MRE11: variants seen among roughly 807,000 people sequenced by gnomAD.
The protein encoded by MRE11 is double-strand break repair protein MRE11.
Under a neutral mutation model 91.7 loss-of-function variants are expected in MRE11, and 62 were observed. That is an observed-to-expected ratio of 0.68 (90% CI 0.55 to 0.84). The LOEUF (loss-of-function observed/expected upper bound fraction) is 0.84, where lower values mean the gene tolerates loss of function less well. Among genes scored for constraint, MRE11 ranks in the 40% least tolerant of loss-of-function variants. The pLI is 0.00. For synonymous variants in MRE11, 273 were observed against 271.4 expected, an observed-to-expected ratio of 1.01 and a Z score of -0.06; for missense variants, 796 against 852.9, an observed-to-expected ratio of 0.93 and a Z score of 0.83.
rs13447755 is a variant in MRE11 at position 94,418,058 on chromosome 11, T to C, written c.*2067A>G. ...CAAATGCAGCTGCTTTCAAATCATC[T>C]GAAAGACTTCTACATTCCTATACCA... is the stretch of plus-strand genomic sequence containing the variant. On this transcript the variant is annotated 3_prime_UTR_variant, in exon 20 of 20. Coordinates refer to ENST00000323929, the MANE Select transcript of MRE11 (RefSeq NM_005591.4). The C allele has an allele frequency of 4.1e-3, 946 of 233,138 alleles. 15 individuals are homozygous for C. The highest frequency in any genetic ancestry group is 0.019 in the African/African-American group (880 of 45,460). The allele number at this position is 233,138 out of a possible 1,614,324, so 14.4% of individuals were successfully genotyped here.
At chr11:94,431,665 C>T (rs948304277) in intron 18 of MRE11, among the ~76,000 whole-genome samples, 26 of 152,186 alleles carry the variant, frequency 1.7e-4, no homozygotes, top group African/African-American at 6.0e-4. Context: ...AGCCACTGTG[C>T]TTCACACTTC....
intron 14 of MRE11, among the ~76,000 whole-genome samples, chr11:94,449,842 T>C (rs1565214185): frequency 6.6e-6 from 1 of 152,352 alleles, no homozygotes; most frequent in East Asian, 1.9e-4. Context: ...TAAGCATATC[T>C]TAATAGAAAA....
intron 11 of MRE11, among the ~76,000 whole-genome samples, chr11:94,463,301 G>A (rs1394719699): frequency 2.0e-5 from 3 of 152,162 alleles, no homozygotes; most frequent in Non-Finnish European, 4.4e-5. Flanking sequence ...GAGAGGATGT[G>A]GAGAAATAGG....
intron 7 of MRE11, among the ~76,000 whole-genome samples, chr11:94,474,740 G>T (rs561766069): frequency 6.6e-6 from 1 of 152,124 alleles, no homozygotes; most frequent in South Asian, 2.1e-4. Flanking sequence ...ATGATGAGGG[G>T]GGCAATGAGA....
At chr11:94,461,822 T>A (rs939747325) in intron 11 of MRE11, among the ~76,000 whole-genome samples, 2 of 152,132 alleles carry the variant, frequency 1.3e-5, no homozygotes, top group African/African-American at 2.4e-5. Context: ...ACGCCTGTAA[T>A]CCCAGCACTT....
intron 16 of MRE11, among the ~76,000 whole-genome samples, chr11:94,439,153 G>A (rs1327639787): frequency 1.3e-5 from 2 of 152,032 alleles, no homozygotes; most frequent in African/African-American, 4.8e-5. Flanking sequence ...AAGAGAATTT[G>A]ACCTTTATTT....
In MRE11 at chr11:94,418,421, C is replaced by T. The variant is rs986503335; in HGVS notation, c.*1704G>A. 1 of 231,354 alleles carries T rather than the reference C, an allele frequency of 4.3e-6. No individual in the cohort carries two copies. Among genetic ancestry groups the T allele is most frequent in the Non-Finnish European group, 8.5e-6 (1 of 117,210 alleles). 14.3% of individuals were successfully genotyped at this position (231,354 alleles called of 1,614,324 possible). ...AGGAAAAAAACTTTATTCCTTTTTT[C>T]CTAGGAACTTGTCAGGATACTTTAG... On this transcript the variant is annotated 3_prime_UTR_variant, in exon 20 of 20. Transcript: ENST00000323929.
At chr11:94,439,600 G>A (rs527381763) in intron 16 of MRE11, among the ~76,000 whole-genome samples, 1 of 152,284 alleles carries the variant, frequency 6.6e-6, no homozygotes, top group South Asian at 2.1e-4. Context: ...GTACAACATT[G>A]TCAAATTTTA....
chr11:94,437,349 C>A, intron 16 of MRE11, 114 bp from the exon 17 acceptor site: 1 of 862,684 alleles, frequency 1.2e-6, no homozygotes, highest in Non-Finnish European at 1.8e-6. Context: ...CTGAATGATG[C>A]CTAATTATAA....
At chr11:94,482,902 C>A (rs1324902462) in intron 4 of MRE11, among the ~76,000 whole-genome samples, 1 of 152,098 alleles carries the variant, frequency 6.6e-6, no homozygotes, top group East Asian at 1.9e-4. Flanking sequence ...CGTGCCTCTG[C>A]ACTCCAGCTT....
At chr11:94,428,233 A>C (rs894810715) in intron 19 of MRE11, among the ~76,000 whole-genome samples, 1 of 152,184 alleles carries the variant, frequency 6.6e-6, no homozygotes, top group Non-Finnish European at 1.5e-5. Context: ...TCAGAAATAA[A>C]GCTGCACATC....
intron 14 of MRE11, 126 bp from the exon 15 acceptor site, chr11:94,447,564 C>T: frequency 1.0e-6 from 1 of 958,754 alleles, no homozygotes; most frequent in Non-Finnish European, 1.6e-6. Context: ...CACAGTGGCT[C>T]ACGCCTGTAA....
chr11:94,471,568 ACT>A lies in MRE11; in HGVS notation c.845+4_845+5del. 1 of 1,611,932 alleles carries A rather than the reference ACT, an allele frequency of 6.2e-7. No individual in the cohort carries two copies. ...TAAAAATTGGCTCAAAATATATAAC[ACT>A]CACTTCTTTACAGCTTCTCCTGGGG... On this transcript the variant is annotated splice_donor_5th_base_variant and intron_variant, in intron 8 of 19. Transcript: ENST00000323929.
intron 6 of MRE11, among the ~76,000 whole-genome samples, chr11:94,476,779 G>A (rs1232124041): frequency 6.6e-6 from 1 of 151,956 alleles, no homozygotes; most frequent in East Asian, 1.9e-4. Flanking sequence ...GGAGTGCAGT[G>A]GTGTGATCTC....
At chr11:94,467,714 A>G (rs1946601791) in intron 10 of MRE11, 99 bp downstream of exon 10, 1 of 1,031,670 alleles carries the variant, frequency 9.7e-7, no homozygotes, top group Non-Finnish European at 1.5e-6. Flanking sequence ...TCTTATTACT[A>G]TGAGCACTCT....
At chr11:94,506,223 A>C in the MRE11 span, among the ~76,000 whole-genome samples, 42 of 151,172 alleles carry the variant, frequency 2.8e-4, no homozygotes, top group East Asian at 7.8e-3. Context: ...ACTTTTAAGT[A>C]GTATGCTTAT....
chr11:94,507,703 T>C, the MRE11 span, among the ~76,000 whole-genome samples: 2 of 152,198 alleles, frequency 1.3e-5, no homozygotes, highest in African/African-American at 4.8e-5. Flanking sequence ...TAATAGCTCA[T>C]TGTAGTTTTA....
At chr11:94,437,273 T>A in intron 16 of MRE11, 38 bp from the exon 17 acceptor site, 4 of 1,592,588 alleles carry the variant, frequency 2.5e-6, no homozygotes, top group Non-Finnish European at 3.4e-6. Context: ...TATGTTATTC[T>A]TAAAATAACT....
chr11:94,470,362 A>T (rs1946672522), intron 9 of MRE11, 109 bp downstream of exon 9: 1 of 1,105,566 alleles, frequency 9.0e-7, no homozygotes, highest in Non-Finnish European at 1.3e-6. Context: ...AGGCTTCATG[A>T]GAATGTAATC....
Sources: allele counts gnomAD v4.1 joint callset (sites outside exome capture counted in the v4.1 genomes callset), GRCh38; gene constraint gnomAD v4.1.1; transcripts MANE v1.5; gene names NCBI Gene and HGNC (gene_info 2026-07-23, HGNC 2026-07-21).